TAF3: variants seen among roughly 807,000 people sequenced by gnomAD.
TAF3 encodes transcription initiation factor TFIID subunit 3.
A neutral mutation model predicts 80.6 loss-of-function variants in TAF3; 7 were observed. That is an observed-to-expected ratio of 0.09 (90% CI 0.05 to 0.16). The LOEUF is 0.16. Ranked by LOEUF, TAF3 falls within the 10% of genes least tolerant of loss-of-function variation. TAF3 has a pLI of 1.00. For synonymous variants in TAF3, 444 were observed against 446.1 expected (o/e 1.00, Z 0.06); for missense variants, 921 against 1,140.2 (o/e 0.81, Z 2.77).
intron 2 of TAF3, among the ~76,000 whole-genome samples, chr10:7,960,019 T>C (rs1397862958): frequency 2.6e-5 from 4 of 152,128 alleles, no homozygotes; most frequent in Non-Finnish European, 5.9e-5. Flanking sequence ...CTGAGCTATA[T>C]CCAGATTAGT....
At chr10:7,954,265 G>A (rs1291816537) in intron 2 of TAF3, among the ~76,000 whole-genome samples, 16 of 127,218 alleles carry the variant, frequency 1.3e-4, no homozygotes, top group South Asian at 3.0e-4. Flanking sequence ...TGAATGAGTG[G>A]ATTAGTCCTA....
intron 2 of TAF3, among the ~76,000 whole-genome samples, chr10:7,848,064 C>G (rs1162490509): frequency 6.6e-6 from 1 of 152,180 alleles, no homozygotes; most frequent in African/African-American, 2.4e-5. Flanking sequence ...GCCACTGTGC[C>G]CAGCCTATAT....
chr10:7,856,689 G>A (rs1837083206), intron 2 of TAF3, among the ~76,000 whole-genome samples: 1 of 151,894 alleles, frequency 6.6e-6, no homozygotes, highest in Non-Finnish European at 1.5e-5. Flanking sequence ...TCGAAAAATG[G>A]CTTTTTCCAA....
intron 2 of TAF3, among the ~76,000 whole-genome samples, chr10:7,872,366 G>C (rs1837276028): frequency 6.6e-6 from 1 of 152,068 alleles, no homozygotes; most frequent in African/African-American, 2.4e-5. Context: ...TTGTGGCAGA[G>C]TTTGTGGATG....
At chr10:7,916,330 G>GA (rs1837712098) in intron 2 of TAF3, among the ~76,000 whole-genome samples, 1 of 152,212 alleles carries the variant, frequency 6.6e-6, no homozygotes, top group Non-Finnish European at 1.5e-5. Flanking sequence ...AAAGTAGAAT[G>GA]AATCATGTAA....
In TAF3 at chr10:8,004,732, T is replaced by C. The variant is rs939924315; in HGVS notation, c.2316-4346T>C. Among the ~76,000 whole-genome samples the C allele has an allele frequency of 2.0e-5, 3 of 152,232 alleles. No individual in the cohort carries two copies. In the South Asian group the frequency reaches 6.2e-4, roughly 32 times the overall value. Reference sequence around the variant, plus strand: ...TTTCCTCTCTATCTATGATATTTTATAGCTTCACTTTGATGTGCCTAGATA... The same window carrying C: ...TTTCCTCTCTATCTATGATATTTTACAGCTTCACTTTGATGTGCCTAGATA... On this transcript the variant is annotated intron_variant, in intron 4 of 6. Coordinates refer to ENST00000344293, the MANE Select transcript of TAF3 (RefSeq NM_031923.4).
rs531592532 is a variant in TAF3, at chr10:7,984,336, T to C, written c.2315+7013T>C. Among the ~76,000 whole-genome samples the C allele has an allele frequency of 3.3e-5, 5 of 152,332 alleles. No homozygotes were observed. In the East Asian group the frequency reaches 7.7e-4, roughly 23 times the overall value. On this transcript the variant is annotated intron_variant, in intron 4 of 6. Coordinates refer to ENST00000344293, the MANE Select transcript of TAF3 (RefSeq NM_031923.4). Reference sequence around the variant, plus strand: ...AAAACTGGCTTTAGGTTTTCAGAAATACTTTTACTGCACAGTAAAACAAGT... The same window carrying C: ...AAAACTGGCTTTAGGTTTTCAGAAACACTTTTACTGCACAGTAAAACAAGT...
intron 3 of TAF3, among the ~76,000 whole-genome samples, chr10:7,968,274 T>A (rs1323950203): frequency 6.6e-6 from 1 of 152,188 alleles, no homozygotes; most frequent in Non-Finnish European, 1.5e-5. Context: ...TCCCTTCTCA[T>A]CATCCTGACC....
At chr10:7,959,160 A>T (rs1192993518) in intron 2 of TAF3, among the ~76,000 whole-genome samples, 1 of 137,962 alleles carries the variant, frequency 7.2e-6, no homozygotes, top group Non-Finnish European at 1.6e-5. Context: ...ACACACACAC[A>T]CACAAAAAAA....
intron 2 of TAF3, among the ~76,000 whole-genome samples, chr10:7,903,945 T>A (rs1408618733): frequency 6.6e-6 from 1 of 152,182 alleles, no homozygotes; most frequent in Non-Finnish European, 1.5e-5. Flanking sequence ...GAGAATATTT[T>A]ACGGTATTGT....
At chr10:7,932,669 A>ATTTTTTTTTTTTTTTTTTTTTTTTT in intron 2 of TAF3, among the ~76,000 whole-genome samples, 1 of 78,820 alleles carries the variant, frequency 1.3e-5, no homozygotes, top group African/African-American at 5.8e-5. Flanking sequence ...GTTCCACTTA[A>ATTTTTTTTTTTTTTTTTTTTTTTTT]TTTTTTTTTT....
Position 7,961,116 on chromosome 10 carries a change from A to G in TAF3, c.410-2804A>G, listed in dbSNP as rs796665151. Among the ~76,000 whole-genome samples the G allele has an allele frequency of 2.8e-4, 42 of 152,328 alleles. 2 individuals carry two copies. The highest frequency in any genetic ancestry group is 1.0e-3 in the African/African-American group (42 of 41,562). On this transcript the variant is annotated intron_variant, in intron 2 of 6. Transcript: ENST00000344293. ...GACTAGGTAGAAGGTCCTTGCAGCCATACAGAGAAGAGGTGCTGAATATTG... is the reference window on the plus strand; with the variant it reads ...GACTAGGTAGAAGGTCCTTGCAGCCGTACAGAGAAGAGGTGCTGAATATTG...
Position 8,009,118 on chromosome 10 carries a change from G to C in TAF3, c.2356G>C (p.Ala786Pro). The change falls in exon 5 of 7, where the codon GCG becomes CCG. Residue 786 changes from alanine to proline, a missense_variant. By Grantham distance (27) the Ala-to-Pro change is conservative. Coordinates refer to ENST00000344293, the MANE Select transcript of TAF3 (RefSeq NM_031923.4). The surrounding 1 kb of genome is among the most constrained non-coding windows in gnomAD (Gnocchi z 4.1). ...GGTCCCTGCCCCCGAGGCCAAGCCG[G>C]CGCCCTCGCAGAACAGGCCGAAGAC... is the stretch of plus-strand genomic sequence containing the variant. ...KVVPAPEAKP[A>P]PSQNRPKTPP... 1 of 1,600,730 alleles carries C rather than the reference G, an allele frequency of 6.2e-7. No individual in the cohort carries two copies. The highest frequency in any genetic ancestry group is 8.5e-7 in the Non-Finnish European group (1 of 1,174,486).
chr10:7,994,986 A>AG (rs1831873888), intron 4 of TAF3, among the ~76,000 whole-genome samples: 1 of 151,240 alleles, frequency 6.6e-6, no homozygotes, highest in East Asian at 1.9e-4. Flanking sequence ...AGAAAAAAAA[A>AG]AAAAAAAAAG....
chr10:7,846,208 T>C (rs756677770), intron 2 of TAF3, among the ~76,000 whole-genome samples: 23 of 152,212 alleles, frequency 1.5e-4, no homozygotes, highest in South Asian at 6.2e-4. Flanking sequence ...CTGCCCGCCT[T>C]GGCCTCCCGA....
At chr10:7,860,804 CTT>C (rs371068019) in intron 2 of TAF3, among the ~76,000 whole-genome samples, 5 of 119,062 alleles carry the variant, frequency 4.2e-5, no homozygotes, top group Admixed American at 7.7e-5. Context: ...TTCTTTCTTT[CTT>C]TTTTTTTTTT....
chr10:7,818,557 T>G lies in TAF3; in HGVS notation c.-153T>G. On this transcript the variant is annotated 5_prime_UTR_variant, in exon 1 of 7. Coordinates refer to ENST00000344293, the MANE Select transcript of TAF3 (RefSeq NM_031923.4). ...GCGGCTCTCAGGCTGGCGCGCTCCG[T>G]GCTGCTGGGGCTTTGAGGTGGTCGC... is the stretch of plus-strand genomic sequence containing the variant. 1 of 762,976 alleles carries G rather than the reference T, an allele frequency of 1.3e-6. No individual in the cohort carries two copies. The highest frequency in any genetic ancestry group is 1.9e-6 in the Non-Finnish European group (1 of 517,286). 47.3% of individuals were successfully genotyped at this position (762,976 alleles called of 1,614,324 possible).
At chr10:7,835,356 A>G (rs930774085) in intron 2 of TAF3, among the ~76,000 whole-genome samples, 1 of 152,218 alleles carries the variant, frequency 6.6e-6, no homozygotes, top group Non-Finnish European at 1.5e-5. Context: ...AAGGAGATTC[A>G]GGGTAGCTCC....
chr10:7,874,498 GGTGA>G (rs1029405161), intron 2 of TAF3, among the ~76,000 whole-genome samples: 1 of 152,090 alleles, frequency 6.6e-6, no homozygotes, highest in Non-Finnish European at 1.5e-5. Context: ...AAGGGATGAT[GGTGA>G]GTATTTCATT....
Sources: gnomAD v4.1 joint callset for allele counts (sites outside exome capture counted in the v4.1 genomes callset) on GRCh38, gnomAD v4.1.1 for gene constraint, Gnocchi (gnomAD v3.1) non-coding constraint, MANE v1.5 for transcripts, NCBI Gene and HGNC (gene_info 2026-07-23, HGNC 2026-07-21) for gene names.